The following ADAM23 variants were observed in gnomAD, a reference collection of about 807,000 sequenced individuals.
ADAM23 encodes the protein disintegrin and metalloproteinase domain-containing protein 23.
Under a neutral mutation model 120.1 loss-of-function variants are expected in ADAM23, and 33 were observed. The observed-to-expected ratio is 0.27, with a 90% confidence interval of 0.21 to 0.37. The LOEUF (loss-of-function observed/expected upper bound fraction) is 0.37. ADAM23 is among the 10% of genes least tolerant of loss of function. The probability of loss-of-function intolerance (pLI) is 1.00; values close to 1 mark genes in which losing one functional copy is unlikely to be tolerated. For missense variants in ADAM23, 862 were observed against 1,058.2 expected, an observed-to-expected ratio of 0.81 and a Z score of 2.57; for synonymous variants, 367 against 375.2, an observed-to-expected ratio of 0.98 and a Z score of 0.25.
intron 25 of ADAM23, among the ~76,000 whole-genome samples, chr2:206,610,576 G>T (rs1698808571): frequency 6.6e-6 from 1 of 152,196 alleles, no homozygotes; most frequent in Admixed American, 6.5e-5. Flanking sequence ...ATGTGGCTTT[G>T]TGACACTTAG....
chr2:206,547,810 C>G (rs1057290273), intron 7 of ADAM23, among the ~76,000 whole-genome samples: 2 of 152,204 alleles, frequency 1.3e-5, no homozygotes, highest in African/African-American at 4.8e-5. Flanking sequence ...TGCTCTTGAG[C>G]CAGCTTGGAT....
intron 2 of ADAM23, among the ~76,000 whole-genome samples, chr2:206,478,634 C>G (rs1357869403): frequency 6.6e-6 from 1 of 152,146 alleles, no homozygotes; most frequent in Non-Finnish European, 1.5e-5. Flanking sequence ...TGTTTGCGAT[C>G]ATAAATGTCA....
At position 206,548,174 on chromosome 2, in the gene ADAM23, TAG is replaced by T. The variant is rs1697438190; in HGVS notation, c.794-106_794-105del. The T allele has an allele frequency of 1.2e-5, 12 of 965,558 alleles. No homozygotes were observed. In the Admixed American group the frequency reaches 1.5e-4, roughly 12 times the overall value. The allele number at this position is 965,558 out of a possible 1,614,324, so 59.8% of individuals were successfully genotyped here. A position where few individuals can be genotyped will look rare whatever the true frequency, so the allele number is the denominator to read the frequency against. On this transcript the variant is annotated intron_variant, in intron 7 of 25. Transcript: ENST00000264377. The stretch of plus-strand genomic sequence containing the variant: ...ATGATCAGTGTGCTTTTTTTCACCT[TAG>T]TTTGACATATATTATCAGTGCCACT...
intron 2 of ADAM23, among the ~76,000 whole-genome samples, chr2:206,474,463 G>A (rs1030401392): frequency 3.9e-5 from 6 of 152,120 alleles, no homozygotes; most frequent in African/African-American, 1.4e-4. Context: ...GGGGTTGATT[G>A]ATACCCTTCC....
chr2:206,525,460 C>T (rs1250847817), intron 3 of ADAM23, among the ~76,000 whole-genome samples: 1 of 152,120 alleles, frequency 6.6e-6, no homozygotes, highest in East Asian at 1.9e-4. Context: ...TTCTAGTAGC[C>T]TTCCTCATAG....
chr2:206,447,557 T>G (rs1313217851), intron 2 of ADAM23, among the ~76,000 whole-genome samples: 1 of 152,218 alleles, frequency 6.6e-6, no homozygotes, highest in Non-Finnish European at 1.5e-5. Flanking sequence ...TCCCTTTTAC[T>G]TCTGTTTTTA....
intron 18 of ADAM23, among the ~76,000 whole-genome samples, chr2:206,583,136 G>C (rs1328191378): frequency 6.6e-6 from 1 of 152,068 alleles, no homozygotes; most frequent in Non-Finnish European, 1.5e-5. Flanking sequence ...TTATTCCCTC[G>C]AATATGTTTT....
chr2:206,565,467 A>C (rs1697858734), intron 14 of ADAM23, among the ~76,000 whole-genome samples: 2 of 152,242 alleles, frequency 1.3e-5, no homozygotes. Context: ...CGGTAATAAA[A>C]ATTAAACTTT....
intron 4 of ADAM23, among the ~76,000 whole-genome samples, chr2:206,540,651 C>G (rs1274409972): frequency 6.6e-6 from 1 of 152,012 alleles, no homozygotes; most frequent in Admixed American, 6.6e-5. Context: ...TTTTCATGCT[C>G]TGCTAAGTTC....
chr2:206,598,447 GC>G (rs894725047), intron 24 of ADAM23, among the ~76,000 whole-genome samples: 17 of 152,010 alleles, frequency 1.1e-4, no homozygotes. Context: ...ACTCACAGCT[GC>G]CTTTTGTTTT....
At chr2:206,491,771 G>C (rs912108722) in intron 3 of ADAM23, among the ~76,000 whole-genome samples, 1 of 152,158 alleles carries the variant, frequency 6.6e-6, no homozygotes. Flanking sequence ...TCTCTCTAGA[G>C]ATATAAATGT....
intron 22 of ADAM23, among the ~76,000 whole-genome samples, chr2:206,593,589 A>G (rs776910638): frequency 2.4e-4 from 36 of 152,122 alleles, no homozygotes; most frequent in Admixed American, 1.1e-3. Context: ...ATGGCTCTGA[A>G]GACAATTCTA....
intron 2 of ADAM23, among the ~76,000 whole-genome samples, chr2:206,470,508 C>T (rs1055577579): frequency 2.0e-5 from 3 of 152,216 alleles, no homozygotes; most frequent in Admixed American, 6.5e-5. Flanking sequence ...CATGAGGTCA[C>T]GTATCAATAT....
At chr2:206,559,007 C>T (rs1311484769) in intron 10 of ADAM23, among the ~76,000 whole-genome samples, 6 of 152,094 alleles carry the variant, frequency 3.9e-5, no homozygotes, top group African/African-American at 1.4e-4. Context: ...TGCAGTGGCA[C>T]GATCTCAGCT....
chr2:206,588,396 G>A (rs1485228744), intron 20 of ADAM23, among the ~76,000 whole-genome samples: 1 of 152,200 alleles, frequency 6.6e-6, no homozygotes, highest in East Asian at 1.9e-4. Context: ...CAGAGAAGGG[G>A]TGTTGCATTC....
At chr2:206,581,422 G>C (rs1698216956) in intron 18 of ADAM23, among the ~76,000 whole-genome samples, 1 of 152,022 alleles carries the variant, frequency 6.6e-6, no homozygotes, top group African/African-American at 2.4e-5. Flanking sequence ...ATAGGTTGTG[G>C]CATCATTGTC....
At chr2:206,497,157 C>G (rs1696270535) in intron 3 of ADAM23, among the ~76,000 whole-genome samples, 1 of 152,168 alleles carries the variant, frequency 6.6e-6, no homozygotes, top group Non-Finnish European at 1.5e-5. Context: ...TTTTATGAGG[C>G]CAGCATCATC....
intron 24 of ADAM23, chr2:206,605,822 G>A (rs974834966): frequency 5.1e-5 from 36 of 700,752 alleles, no homozygotes; most frequent in Non-Finnish European, 8.1e-5. Flanking sequence ...AATAGGGGCC[G>A]TGGCCGGCAC....
chr2:206,529,753 G>A (rs62194496), intron 3 of ADAM23, among the ~76,000 whole-genome samples: 1 of 151,934 alleles, frequency 6.6e-6, no homozygotes, highest in African/African-American at 2.4e-5. Context: ...GCAATCTCTG[G>A]CCATTCTTAA....
Sources: gnomAD v4.1 joint callset for allele counts (sites outside exome capture counted in the v4.1 genomes callset) on GRCh38, gnomAD v4.1.1 for gene constraint, MANE v1.5 for transcripts, NCBI Gene and HGNC (gene_info 2026-07-23, HGNC 2026-07-21) for gene names.